SLC22A11: variants seen among roughly 807,000 people sequenced by gnomAD.
SLC22A11 encodes solute carrier family 22 member 11.
In SLC22A11, 42 loss-of-function variants were observed where a neutral mutation model predicts 49.4. The observed-to-expected ratio is 0.85, with a 90% confidence interval of 0.66 to 1.10. SLC22A11 has a LOEUF of 1.10. Among genes scored for constraint, SLC22A11 ranks in the 50% least tolerant of loss-of-function variants. The pLI, the probability that SLC22A11 is intolerant of heterozygous loss-of-function variation, is 0.00. For missense variants in SLC22A11, 685 were observed against 731.6 expected (o/e 0.94, Z 0.74); for synonymous variants, 304 against 315.8 (o/e 0.96, Z 0.40).
chr11:64,560,825 C>T (rs1378377594), intron 2 of SLC22A11, among the ~76,000 whole-genome samples: 1 of 152,206 alleles, frequency 6.6e-6, no homozygotes, highest in Middle Eastern at 3.2e-3. Context: ...ACTGCCTTCC[C>T]ACTCCCTCCT....
chr11:64,565,168 G>C lies in SLC22A11; in HGVS notation c.943-54G>C. On this transcript the variant is annotated intron_variant, in intron 5 of 9. Coordinates refer to ENST00000301891, the MANE Select transcript of SLC22A11 (RefSeq NM_018484.4). The surrounding 1 kb of genome is among the most constrained non-coding windows in gnomAD (Gnocchi z 4.1). The stretch of plus-strand genomic sequence containing the variant: ...TTGGACACTGTTCTCTGGCACAGGG[G>C]GTGGGGCAGGGCCATTGCCCTACCA... The C allele has an allele frequency of 2.2e-6, 3 of 1,338,566 alleles. No individual in the cohort carries two copies. The South Asian group carries it at 4.2e-5, about 19-fold the overall frequency. 82.9% of individuals were successfully genotyped at this position (1,338,566 alleles called of 1,614,324 possible). A position where few individuals can be genotyped will look rare whatever the true frequency, so the allele number is the denominator to read the frequency against.
intron 6 of SLC22A11, among the ~76,000 whole-genome samples, chr11:64,567,318 C>G (rs1289313102): frequency 2.0e-5 from 3 of 152,244 alleles, no homozygotes; most frequent in African/African-American, 7.2e-5. Context: ...GACTTGGTCC[C>G]AGCCAGAGAG....
chr11:64,559,979 C>T (rs2038519848), intron 2 of SLC22A11, among the ~76,000 whole-genome samples: 1 of 152,022 alleles, frequency 6.6e-6, no homozygotes, highest in Non-Finnish European at 1.5e-5. Flanking sequence ...CTTCCACCTC[C>T]CAGGAAGCTG....
chr11:64,564,178 C>T lies in SLC22A11; in HGVS notation c.822-130C>T, dbSNP rs1031463791. 8.4e-6 allele frequency: 10 copies of T among 1,189,118 alleles called. No individual in the cohort carries two copies. The African/African-American group carries it at 1.4e-4, about 16-fold the overall frequency. 73.7% of individuals were successfully genotyped at this position (1,189,118 alleles called of 1,614,324 possible). On this transcript the variant is annotated intron_variant, in intron 4 of 9. Transcript: ENST00000301891. This position sits in a 1 kb window ranked among gnomAD's most constrained non-coding sequence, Gnocchi z 4.2. ...GACTGCCAGGCTCCTGGCTGGGCAG[C>T]AGCGGCACAGAAGCATGTGCTTCCT...
intron 1 of SLC22A11, among the ~76,000 whole-genome samples, chr11:64,557,798 A>ATTTTTT (rs71049648): frequency 7.5e-6 from 1 of 133,344 alleles, no homozygotes; most frequent in African/African-American, 2.9e-5. Flanking sequence ...TGCCCAGCTA[A>ATTTTTT]TTTTTTTTTT....
rs554666906 is a variant in SLC22A11 at position 64,564,845 on chromosome 11, G to A, written c.943-377G>A. On this transcript the variant is annotated intron_variant, in intron 5 of 9. Coordinates refer to ENST00000301891, the MANE Select transcript of SLC22A11 (RefSeq NM_018484.4). This position sits in a 1 kb window ranked among gnomAD's most constrained non-coding sequence, Gnocchi z 4.2. ...CACCCACCACCTCCACCTGCATGTA[G>A]CACGCACCCACCTCATGGGGGTTCT... Among the ~76,000 whole-genome samples, 1 of 152,280 alleles carries A rather than the reference G, an allele frequency of 6.6e-6. No individual in the cohort carries two copies. Among genetic ancestry groups the A allele is most frequent in the East Asian group, 1.9e-4 (1 of 5,186 alleles).
chr11:64,564,488 C>T lies in SLC22A11; in HGVS notation c.942+60C>T, dbSNP rs1032018990. On this transcript the variant is annotated intron_variant, in intron 5 of 9. Coordinates refer to ENST00000301891, the MANE Select transcript of SLC22A11 (RefSeq NM_018484.4). This position sits in a 1 kb window ranked among gnomAD's most constrained non-coding sequence, Gnocchi z 4.2. ...ACAGGACGTGCACTGAGGGATCATC[C>T]GTGTGGCCTCCAACAGCACCACCCA... The T allele has an allele frequency of 5.7e-6, 9 of 1,588,100 alleles. No homozygotes were observed. Among genetic ancestry groups the T allele is most frequent in the Admixed American group, 5.1e-5 (3 of 58,794 alleles).
chr11:64,562,389 C>A lies in SLC22A11; in HGVS notation c.775C>A (p.Gln259Lys). 1 of 1,605,574 alleles carries A rather than the reference C, an allele frequency of 6.2e-7. No individual in the cohort carries two copies. Among genetic ancestry groups the A allele is most frequent in the Non-Finnish European group, 8.5e-7 (1 of 1,175,604 alleles). Residue 259 changes from glutamine (Q) to lysine (K), a missense_variant, in exon 4 of 10, where the codon CAG becomes AAG. Gln to Lys is a moderately conservative substitution (Grantham distance 53). Coordinates refer to ENST00000301891, the MANE Select transcript of SLC22A11 (RefSeq NM_018484.4). The surrounding 1 kb of genome is among the most constrained non-coding windows in gnomAD (Gnocchi z 4.4). ...AFALRDWRTLQLAASVPFFAI... is the reference protein window; with the variant it reads ...AFALRDWRTLKLAASVPFFAI... ...TGCCCTGCGGGACTGGAGGACTCTCCAGCTGGCAGCATCAGTGCCCTTCTT... is the reference window on the plus strand; with the variant it reads ...TGCCCTGCGGGACTGGAGGACTCTCAAGCTGGCAGCATCAGTGCCCTTCTT...
At chr11:64,556,639 G>A (rs527625011) in intron 1 of SLC22A11, among the ~76,000 whole-genome samples, 174 of 152,110 alleles carry the variant, frequency 1.1e-3, no homozygotes, top group Non-Finnish European at 2.1e-3. Flanking sequence ...CTGGACATTC[G>A]CCAGCCTCGC....
intron 6 of SLC22A11, among the ~76,000 whole-genome samples, chr11:64,567,360 CA>C: frequency 6.6e-6 from 1 of 152,358 alleles, no homozygotes; most frequent in Middle Eastern, 3.4e-3. Flanking sequence ...GCCCCTGACA[CA>C]AAGCCTGTGT....
At position 64,561,986 on chromosome 11, in the gene SLC22A11, G is replaced by T; in HGVS notation, c.498-18G>T. 1 of 1,604,888 alleles carries T rather than the reference G, an allele frequency of 6.2e-7. No individual in the cohort carries two copies. The highest frequency in any genetic ancestry group is 8.5e-7 in the Non-Finnish European group (1 of 1,174,224). On this transcript the variant is annotated intron_variant, in intron 2 of 9. Transcript: ENST00000301891. ...AGGGGCCCCTCTCCAGGCCCCGTGTGCTTCTCTCCTGTGACAGGTTTGGGA... is the reference window on the plus strand; with the variant it reads ...AGGGGCCCCTCTCCAGGCCCCGTGTTCTTCTCTCCTGTGACAGGTTTGGGA...
Position 64,571,527 on chromosome 11 carries a change from A to G in SLC22A11, c.*485A>G, listed in dbSNP as rs1186824029. On this transcript the variant is annotated 3_prime_UTR_variant, in exon 10 of 10. Coordinates refer to ENST00000301891, the MANE Select transcript of SLC22A11 (RefSeq NM_018484.4). ...TGGAACCTGCTGAGAGAGCTGCCAG[A>G]TACAGGTGTCCAGGTTGTGCACTGG... is the stretch of plus-strand genomic sequence containing the variant. The G allele has an allele frequency of 1.9e-5, 3 of 158,682 alleles. No individual in the cohort carries two copies. Among genetic ancestry groups the G allele is most frequent in the African/African-American group, 7.2e-5 (3 of 41,592 alleles). The allele number at this position is 158,682 out of a possible 1,614,324, so 9.8% of individuals were successfully genotyped here.
At position 64,567,815 on chromosome 11, in the gene SLC22A11, T is replaced by C. The variant is rs998576883; in HGVS notation, c.1273+2T>C. The C allele has an allele frequency of 1.9e-6, 3 of 1,580,564 alleles. No homozygotes were observed. The highest frequency in any genetic ancestry group is 2.6e-6 in the Non-Finnish European group (3 of 1,165,652). ...TAGCCAACATGCTGGTGCCGCAAGGTGAGGCAGGCGGACTGGGCGGTGGGA... is the reference window on the plus strand; with the variant it reads ...TAGCCAACATGCTGGTGCCGCAAGGCGAGGCAGGCGGACTGGGCGGTGGGA... On this transcript the variant is annotated splice_donor_variant, in intron 7 of 9. Transcript: ENST00000301891. LOFTEE classifies it high-confidence loss of function.
rs974759507 is a variant in SLC22A11 at position 64,572,021 on chromosome 11, T to G, written c.*979T>G. The G allele has an allele frequency of 8.5e-5, 13 of 152,210 alleles. No homozygotes were observed. The highest frequency in any genetic ancestry group is 3.1e-4 in the African/African-American group (13 of 41,450). 9.4% of individuals were successfully genotyped at this position (152,210 alleles called of 1,614,324 possible). ...CCCTCTTGGTCCCCTCGATGAGGGT[T>G]GTTGGGCCGGGGAGCCTCATCCACA... On this transcript the variant is annotated 3_prime_UTR_variant, in exon 10 of 10. Transcript: ENST00000301891.
Position 64,564,421 on chromosome 11 carries a change from C to T in SLC22A11, c.935C>T (p.Thr312Ile). ...INGHKEAKNL[T>I]IEVLMSSVKE... ...GGCCACAAGGAGGCCAAGAACCTGA[C>T]CATAGAGGTGAGATGCTGCTGTCTG... The change falls in exon 5 of 10, where the codon ACC becomes ATC. Residue 312 changes from threonine to isoleucine, a missense_variant. By Grantham distance (89) the Thr-to-Ile change is moderately conservative (BLOSUM62 -1). Transcript: ENST00000301891. This position sits in a 1 kb window ranked among gnomAD's most constrained non-coding sequence, Gnocchi z 4.2. The T allele has an allele frequency of 1.2e-6, 2 of 1,614,034 alleles. No individual in the cohort carries two copies. Among genetic ancestry groups the T allele is most frequent in the South Asian group, 1.1e-5 (1 of 91,072 alleles).
At chr11:64,560,602 C>T (rs1429285027) in intron 2 of SLC22A11, among the ~76,000 whole-genome samples, 1 of 152,224 alleles carries the variant, frequency 6.6e-6, no homozygotes, top group Admixed American at 6.5e-5. Flanking sequence ...CCTCCGAGGC[C>T]ACGGAGCCAG....
Position 64,572,834 on chromosome 11 carries a change from T to C in SLC22A11, c.*1792T>C, listed in dbSNP as rs2038721254. ...TAAAGGATTCGGATCATACAAAGAA[T>C]GTTCTTGAACCAGCATGGAATTAAA... On this transcript the variant is annotated 3_prime_UTR_variant, in exon 10 of 10. Coordinates refer to ENST00000301891, the MANE Select transcript of SLC22A11 (RefSeq NM_018484.4). The C allele has an allele frequency of 6.6e-6, 1 of 152,192 alleles. No homozygotes were observed. Among genetic ancestry groups the C allele is most frequent in the African/African-American group, 2.4e-5 (1 of 41,430 alleles). 9.4% of individuals were successfully genotyped at this position (152,192 alleles called of 1,614,324 possible).
intron 1 of SLC22A11, 151 bp downstream of exon 1, chr11:64,556,543 C>T (rs72933979): frequency 0.02 from 25,551 of 1,281,700 alleles, 347 homozygotes; most frequent in Non-Finnish European, 0.025. Context: ...GGGGAGTGGG[C>T]GGCAGGGATC....
At chr11:64,563,511 G>A (rs1237656037) in intron 4 of SLC22A11, among the ~76,000 whole-genome samples, 1 of 147,936 alleles carries the variant, frequency 6.8e-6, no homozygotes, top group Non-Finnish European at 1.5e-5. Context: ...CCTTCCACCA[G>A]GAAAGTGTTT....
Sources: allele counts gnomAD v4.1 joint callset (sites outside exome capture counted in the v4.1 genomes callset), GRCh38; gene constraint gnomAD v4.1.1; non-coding constraint Gnocchi (gnomAD v3.1); transcripts MANE v1.5; gene names NCBI Gene and HGNC (gene_info 2026-07-23, HGNC 2026-07-21).